MTUS2: variants seen among roughly 807,000 people sequenced by gnomAD.
The protein encoded by MTUS2 is microtubule-associated tumor suppressor candidate 2.
A neutral mutation model predicts 114.1 loss-of-function variants in MTUS2; 40 were observed. The ratio of observed to expected loss-of-function variants is 0.35; its 90% CI spans 0.27 to 0.46. The LOEUF is 0.46. Ranked by LOEUF, MTUS2 falls within the 20% of genes least tolerant of loss-of-function variation. MTUS2 has a pLI of 1.00. For synonymous variants in MTUS2, 688 were observed against 672.0 expected (o/e 1.02, Z -0.37); for missense variants, 1,679 against 1,705.4 (o/e 0.98, Z 0.27).
At position 29,244,951 on chromosome 13, in the gene MTUS2, G is replaced by A. The variant is rs1366175096; in HGVS notation, c.2645-36753G>A. ...AGCCTGGGCGACAGAGCGAGACTCCGTCTCAAAAAAAAAAAAAAAAAAAAA... is the reference window on the plus strand; with the variant it reads ...AGCCTGGGCGACAGAGCGAGACTCCATCTCAAAAAAAAAAAAAAAAAAAAA... On this transcript the variant is annotated intron_variant, in intron 5 of 15. Coordinates refer to ENST00000612955, the MANE Select transcript of MTUS2 (RefSeq NM_001033602.4). 4.3e-4 allele frequency among the ~76,000 whole-genome samples: 12 copies of A among 28,186 alleles called. No individual in the cohort carries two copies. The East Asian group carries it at 7.3e-3, about 17-fold the overall frequency. 18.5% of individuals were successfully genotyped at this position (28,186 alleles called of 152,430 possible).
intron 4 of MTUS2, among the ~76,000 whole-genome samples, chr13:29,062,799 C>A (rs1888484677): frequency 6.6e-6 from 1 of 152,138 alleles, no homozygotes; most frequent in Non-Finnish European, 1.5e-5. Context: ...AATGAGGATC[C>A]TCCTAGTGTT....
chr13:29,000,964 G>A (rs183962518), intron 2 of MTUS2, among the ~76,000 whole-genome samples: 169 of 152,220 alleles, frequency 1.1e-3, no homozygotes, highest in Middle Eastern at 0.01. Flanking sequence ...CCCCAGTTCC[G>A]CTGAACACTT....
intron 5 of MTUS2, among the ~76,000 whole-genome samples, chr13:29,270,907 G>T (rs1897860039): frequency 6.6e-6 from 1 of 152,308 alleles, no homozygotes; most frequent in Non-Finnish European, 1.5e-5. Flanking sequence ...GATCTTCCTT[G>T]TTACCTGTCA....
chr13:29,391,137 C>A lies in MTUS2; in HGVS notation c.3117+31664C>A, dbSNP rs532787647. Among the ~76,000 whole-genome samples the A allele has an allele frequency of 4.0e-3, 610 of 151,522 alleles. 4 individuals carry two copies. Among genetic ancestry groups the A allele is most frequent in the African/African-American group, 0.014 (573 of 41,290 alleles). On this transcript the variant is annotated intron_variant, in intron 8 of 15. Coordinates refer to ENST00000612955, the MANE Select transcript of MTUS2 (RefSeq NM_001033602.4). ...CAGAGTCTCACTCTGTCACCCAGGC[C>A]AGAGTGCAGTGGCGTGATCCTGGCT...
At chr13:29,483,105 C>T (rs549265986) in intron 10 of MTUS2, among the ~76,000 whole-genome samples, 26 of 152,314 alleles carry the variant, frequency 1.7e-4, no homozygotes, top group East Asian at 7.7e-4. Context: ...TTCTCAGGGA[C>T]GGTTGCATTG....
intron 9 of MTUS2, among the ~76,000 whole-genome samples, chr13:29,470,388 G>T (rs1880194802): frequency 6.6e-6 from 1 of 152,160 alleles, no homozygotes; most frequent in Non-Finnish European, 1.5e-5. Context: ...TCCACTGTAA[G>T]ATTACTGTCT....
At chr13:28,868,890 T>A (rs970366576) in intron 2 of MTUS2, among the ~76,000 whole-genome samples, 1 of 152,184 alleles carries the variant, frequency 6.6e-6, no homozygotes, top group Non-Finnish European at 1.5e-5. Context: ...TGGGAAGCAT[T>A]GGGCTGAGTC....
intron 7 of MTUS2, among the ~76,000 whole-genome samples, chr13:29,340,380 A>C (rs1381574613): frequency 6.6e-6 from 1 of 152,254 alleles, no homozygotes; most frequent in African/African-American, 2.4e-5. Flanking sequence ...ATCAGTGTGA[A>C]AATGAACACA....
Position 29,438,651 on chromosome 13 carries a change from G to A in MTUS2, c.3118-1332G>A, listed in dbSNP as rs76427338. Reference sequence around the variant, plus strand: ...AGCTTGGAGGTGAGGATTTCAACATGAATTTTAGGGGGATTTAGGGGGACA... The same window carrying A: ...AGCTTGGAGGTGAGGATTTCAACATAAATTTTAGGGGGATTTAGGGGGACA... On this transcript the variant is annotated intron_variant, in intron 8 of 15. Coordinates refer to ENST00000612955, the MANE Select transcript of MTUS2 (RefSeq NM_001033602.4). Among the ~76,000 whole-genome samples, 58 of 152,166 alleles carry A rather than the reference G, an allele frequency of 3.8e-4. No homozygotes were observed. In the East Asian group the frequency reaches 0.011, roughly 29 times the overall value.
chr13:29,012,576 T>A (rs548812527), intron 2 of MTUS2, among the ~76,000 whole-genome samples: 11 of 152,242 alleles, frequency 7.2e-5, no homozygotes, highest in Admixed American at 7.2e-4. Flanking sequence ...AGAGATATGC[T>A]AAAAGAGTGG....
chr13:29,345,214 C>T (rs1868547448), intron 7 of MTUS2, among the ~76,000 whole-genome samples: 1 of 152,074 alleles, frequency 6.6e-6, no homozygotes, highest in Admixed American at 6.5e-5. Context: ...TCTAGCAAGG[C>T]CAGAGAAGTT....
chr13:28,835,426 C>G (rs1875010396), intron 1 of MTUS2, among the ~76,000 whole-genome samples: 1 of 149,062 alleles, frequency 6.7e-6, no homozygotes, highest in African/African-American at 2.4e-5. Context: ...TTATATGATT[C>G]TGTTTATATG....
chr13:29,468,173 C>G (rs1880021796), intron 9 of MTUS2, among the ~76,000 whole-genome samples: 1 of 152,108 alleles, frequency 6.6e-6, no homozygotes, highest in Non-Finnish European at 1.5e-5. Context: ...GTATTTATTA[C>G]TAAAAAAGAG....
chr13:29,157,749 C>G (rs376779295), intron 5 of MTUS2, among the ~76,000 whole-genome samples: 2 of 152,048 alleles, frequency 1.3e-5, no homozygotes, highest in Non-Finnish European at 2.9e-5. Context: ...CCAACACACT[C>G]TGTAGCAAAT....
Position 29,431,909 on chromosome 13 carries a change from A to T in MTUS2, c.3118-8074A>T, listed in dbSNP as rs184427839. On this transcript the variant is annotated intron_variant, in intron 8 of 15. Coordinates refer to ENST00000612955, the MANE Select transcript of MTUS2 (RefSeq NM_001033602.4). The stretch of plus-strand genomic sequence containing the variant: ...ACCCAGTCTGGAGTGCAGTGGTGTG[A>T]TCATGGCTCACTATAAACTTGAACT... Among the ~76,000 whole-genome samples, 338 of 151,732 alleles carry T rather than the reference A, an allele frequency of 2.2e-3. 3 individuals carry two copies. Among genetic ancestry groups the T allele is most frequent in the African/African-American group, 7.8e-3 (322 of 41,368 alleles).
At chr13:29,238,090 T>G (rs1195041229) in intron 5 of MTUS2, among the ~76,000 whole-genome samples, 1 of 152,206 alleles carries the variant, frequency 6.6e-6, no homozygotes, top group Non-Finnish European at 1.5e-5. Flanking sequence ...GAACTTGGTA[T>G]GTCGAAGGGA....
chr13:28,969,843 C>T (rs1263331764), intron 2 of MTUS2, among the ~76,000 whole-genome samples: 2 of 152,164 alleles, frequency 1.3e-5, no homozygotes, highest in African/African-American at 4.8e-5. Flanking sequence ...TGCAATGGCA[C>T]AGTCTTAGCT....
At chr13:29,484,049 C>T (rs931327249) in intron 10 of MTUS2, 1 of 152,182 alleles carries the variant, frequency 6.6e-6, no homozygotes, top group Non-Finnish European at 1.5e-5. Context: ...GCTCCAGAGC[C>T]ACTCACTTCA....
chr13:29,186,519 A>G (rs943708794), intron 5 of MTUS2, among the ~76,000 whole-genome samples: 3 of 152,228 alleles, frequency 2.0e-5, no homozygotes, highest in Non-Finnish European at 2.9e-5. Flanking sequence ...TAAGGCAACA[A>G]TTATCATTAG....
Sources: allele counts gnomAD v4.1 joint callset (sites outside exome capture counted in the v4.1 genomes callset), GRCh38; gene constraint gnomAD v4.1.1; transcripts MANE v1.5; gene names NCBI Gene and HGNC (gene_info 2026-07-23, HGNC 2026-07-21).